The following ETS1 variants were observed in gnomAD, a reference collection of about 807,000 sequenced individuals.
ETS1 encodes protein C-ets-1.
In ETS1, 15 loss-of-function variants were observed where a neutral mutation model predicts 58.6. That is an observed-to-expected ratio of 0.26 (90% CI 0.17 to 0.39). The LOEUF (loss-of-function observed/expected upper bound fraction) is 0.39, where lower values mean the gene tolerates loss of function less well. Ranked by LOEUF, ETS1 falls within the 10% of genes least tolerant of loss-of-function variation. The probability of loss-of-function intolerance (pLI) is 1.00; values close to 1 mark genes in which losing one functional copy is unlikely to be tolerated. For synonymous variants in ETS1, 214 were observed against 218.2 expected, an observed-to-expected ratio of 0.98 and a Z score of 0.17; for missense variants, 417 against 610.5, an observed-to-expected ratio of 0.68 and a Z score of 3.34.
chr11:128,557,692 G>A (rs964955964), intron 2 of ETS1, among the ~76,000 whole-genome samples: 3 of 151,950 alleles, frequency 2.0e-5, no homozygotes, highest in South Asian at 2.1e-4. Context: ...TTACTCTCTT[G>A]GGTCCCTGCA....
At position 128,484,686 on chromosome 11, in the gene ETS1, C is replaced by T. The variant is rs1029668411; in HGVS notation, c.862+137G>A. ...ATGGAAAGTTCTTAGTATCTGGACACTCTAAGATGGGAAGGCTGAAACTGA... is the reference window on the plus strand; with the variant it reads ...ATGGAAAGTTCTTAGTATCTGGACATTCTAAGATGGGAAGGCTGAAACTGA... On this transcript the variant is annotated intron_variant, in intron 7 of 9. Coordinates refer to ENST00000392668, the MANE Select transcript of ETS1 (RefSeq NM_001143820.2). 20 of 754,348 alleles carry T rather than the reference C, an allele frequency of 2.7e-5. 1 individual carries two copies. The highest frequency in any genetic ancestry group is 1.1e-4 in the East Asian group (4 of 37,394). The allele number at this position is 754,348 out of a possible 1,614,324, so 46.7% of individuals were successfully genotyped here.
intron 3 of ETS1, among the ~76,000 whole-genome samples, chr11:128,546,847 T>G (rs908172051): frequency 6.6e-6 from 1 of 152,122 alleles, no homozygotes; most frequent in Non-Finnish European, 1.5e-5. Flanking sequence ...GAAAATCTAC[T>G]GTGCACTAGA....
intron 2 of ETS1, among the ~76,000 whole-genome samples, chr11:128,557,611 G>C (rs141153064): frequency 1.3e-5 from 2 of 152,264 alleles, no homozygotes; most frequent in East Asian, 3.9e-4. Flanking sequence ...TTCACAGAAA[G>C]AAGATTTCCT....
chr11:128,485,160 G>C (rs1862594101), intron 6 of ETS1, 89 bp from the exon 7 acceptor site: 5 of 1,158,872 alleles, frequency 4.3e-6, no homozygotes, highest in Non-Finnish European at 6.1e-6. Flanking sequence ...TATGATGTGG[G>C]ACAAGCTCCT....
chr11:128,560,095 G>A (rs1565410263), intron 2 of ETS1, among the ~76,000 whole-genome samples: 1 of 151,684 alleles, frequency 6.6e-6, no homozygotes. Flanking sequence ...CTGGCACTCT[G>A]CATCAGAGAT....
rs560828759 is a variant in ETS1, at chr11:128,511,559, T to C, written c.215-20983A>G. On this transcript the variant is annotated intron_variant, in intron 3 of 9. Coordinates refer to ENST00000392668, the MANE Select transcript of ETS1 (RefSeq NM_001143820.2). ...CTCAGTAATCATACTAATCTGTGCATAGTGACCAGTGCTACCTGCTCAAAG... is the reference window on the plus strand; with the variant it reads ...CTCAGTAATCATACTAATCTGTGCACAGTGACCAGTGCTACCTGCTCAAAG... Among the ~76,000 whole-genome samples, 5 of 152,326 alleles carry C rather than the reference T, an allele frequency of 3.3e-5. No individual in the cohort carries two copies. The South Asian group carries it at 6.2e-4, about 19-fold the overall frequency.
chr11:128,526,430 A>C (rs1180568073), intron 3 of ETS1: 1 of 157,428 alleles, frequency 6.4e-6, no homozygotes, highest in Non-Finnish European at 1.4e-5. Flanking sequence ...GTATGCAAAG[A>C]ATTTAGCACA....
rs1362379763 is a variant in ETS1, at chr11:128,507,089, GA to G, written c.215-16514del. 2.6e-5 allele frequency among the ~76,000 whole-genome samples: 4 copies of G among 152,270 alleles called. No individual in the cohort carries two copies. The East Asian group carries it at 7.7e-4, about 29-fold the overall frequency. On this transcript the variant is annotated intron_variant, in intron 3 of 9. Coordinates refer to ENST00000392668, the MANE Select transcript of ETS1 (RefSeq NM_001143820.2). Reference sequence around the variant, plus strand: ...GAAGGCTCACTGCACAGGAACTGAGGAAGGTGCAGTCACAACACTGTGATGC... The same window carrying G: ...GAAGGCTCACTGCACAGGAACTGAGGAGGTGCAGTCACAACACTGTGATGC...
At chr11:128,498,292 T>A (rs142542348) in intron 3 of ETS1, among the ~76,000 whole-genome samples, 217 of 152,148 alleles carry the variant, frequency 1.4e-3, no homozygotes, top group African/African-American at 5.1e-3. Flanking sequence ...TACAGAAACA[T>A]CAAGAAGGAA....
chr11:128,532,131 G>A (rs1863907373), intron 3 of ETS1, among the ~76,000 whole-genome samples: 1 of 152,106 alleles, frequency 6.6e-6, no homozygotes, highest in South Asian at 2.1e-4. Flanking sequence ...CTCTAATTGT[G>A]CCATACACAT....
chr11:128,526,103 T>C (rs1018641862), intron 3 of ETS1: 14 of 125,268 alleles, frequency 1.1e-4, no homozygotes, highest in African/African-American at 4.4e-4. Context: ...GGCTATTGTT[T>C]AGAAGGCACA....
intron 1 of ETS1, among the ~76,000 whole-genome samples, chr11:128,585,148 G>GAA (rs1327310002): frequency 5.8e-4 from 12 of 20,638 alleles, no homozygotes; most frequent in East Asian, 1.5e-3. Flanking sequence ...AAGAAAGAAA[G>GAA]AAAGAAAGAA....
intron 3 of ETS1, among the ~76,000 whole-genome samples, chr11:128,536,111 G>T (rs754677239): frequency 6.6e-6 from 1 of 152,136 alleles, no homozygotes; most frequent in Non-Finnish European, 1.5e-5. Flanking sequence ...CCTTAAAGAA[G>T]AGTAATCTAA....
At chr11:128,582,009 G>T (rs71481814) in intron 1 of ETS1, among the ~76,000 whole-genome samples, 1 of 152,106 alleles carries the variant, frequency 6.6e-6, no homozygotes. Flanking sequence ...TTTCATGGTG[G>T]AGTTTCATTT....
At chr11:128,574,834 T>G (rs1334014573) in intron 1 of ETS1, among the ~76,000 whole-genome samples, 1 of 152,220 alleles carries the variant, frequency 6.6e-6, no homozygotes, top group Non-Finnish European at 1.5e-5. Context: ...AGATCTTTGG[T>G]TGAGACATAA....
chr11:128,486,502 G>A (rs2135453657), intron 5 of ETS1, among the ~76,000 whole-genome samples: 1 of 152,272 alleles, frequency 6.6e-6, no homozygotes, highest in South Asian at 2.1e-4. Flanking sequence ...GTACATCCCA[G>A]GTTAGCAGGA....
chr11:128,541,910 A>G (rs1045791339), intron 3 of ETS1, among the ~76,000 whole-genome samples: 2 of 152,206 alleles, frequency 1.3e-5, no homozygotes, highest in Non-Finnish European at 2.9e-5. Flanking sequence ...CAACACAGGT[A>G]TTGATTATAA....
chr11:128,558,083 CAT>C (rs1413179369), intron 2 of ETS1, among the ~76,000 whole-genome samples: 1 of 152,142 alleles, frequency 6.6e-6, no homozygotes, highest in Non-Finnish European at 1.5e-5. Flanking sequence ...CTATAATATT[CAT>C]AAAATCATTC....
chr11:128,562,348 G>A (rs774107433), intron 2 of ETS1, among the ~76,000 whole-genome samples: 9 of 152,200 alleles, frequency 5.9e-5, no homozygotes, highest in Non-Finnish European at 1.3e-4. Flanking sequence ...GACAGAGGTT[G>A]CAGTGAGCCG....
Sources: gnomAD v4.1 joint callset for allele counts (sites outside exome capture counted in the v4.1 genomes callset) on GRCh38, gnomAD v4.1.1 for gene constraint, MANE v1.5 for transcripts, NCBI Gene and HGNC (gene_info 2026-07-23, HGNC 2026-07-21) for gene names.